Variants in WWC2 observed in about 807,000 individuals in gnomAD.
WWC2 encodes WW and C2 domain containing 2, also known as protein WWC2.
In WWC2, 101 loss-of-function variants were observed where a neutral mutation model predicts 138.5. The ratio of observed to expected loss-of-function variants is 0.73; its 90% CI spans 0.62 to 0.86. WWC2 has a LOEUF of 0.86. Among genes scored for constraint, WWC2 ranks in the 40% least tolerant of loss-of-function variants. The pLI is 0.00. For synonymous variants in WWC2, 558 were observed against 538.4 expected, an observed-to-expected ratio of 1.04 and a Z score of -0.50; for missense variants, 1,420 against 1,419.4, an observed-to-expected ratio of 1.00 and a Z score of -0.01.
chr4:183,121,528 C>T (rs1055538838), intron 1 of WWC2, among the ~76,000 whole-genome samples: 1 of 151,976 alleles, frequency 6.6e-6, no homozygotes, highest in Non-Finnish European at 1.5e-5. Flanking sequence ...GATACTCAAT[C>T]TAATAGAGGT....
At chr4:183,234,138 A>G (rs1339445423) in intron 4 of WWC2, among the ~76,000 whole-genome samples, 1 of 152,184 alleles carries the variant, frequency 6.6e-6, no homozygotes, top group African/African-American at 2.4e-5. Flanking sequence ...CTATGACACT[A>G]GGATTATAAG....
intron 1 of WWC2, among the ~76,000 whole-genome samples, chr4:183,181,687 G>A (rs1734637775): frequency 6.6e-6 from 1 of 152,120 alleles, no homozygotes; most frequent in Non-Finnish European, 1.5e-5. Context: ...TCAACAGTAG[G>A]CAGTTAGTAA....
At chr4:183,152,824 A>C (rs1230511349) in intron 1 of WWC2, among the ~76,000 whole-genome samples, 1 of 152,030 alleles carries the variant, frequency 6.6e-6, no homozygotes, top group Non-Finnish European at 1.5e-5. Context: ...CAGAGGTTGC[A>C]GTGAGCCAAA....
intron 1 of WWC2, among the ~76,000 whole-genome samples, chr4:183,106,101 AGCC>A (rs1393796018): frequency 6.6e-6 from 1 of 151,784 alleles, no homozygotes; most frequent in Non-Finnish European, 1.5e-5. Context: ...ATTCTGCCTC[AGCC>A]TCCCGAGTAG....
At position 183,312,449 on chromosome 4, in the gene WWC2, C is replaced by G. The variant is rs766916505; in HGVS notation, c.3493C>G (p.Arg1165Gly). Residue 1165 changes from arginine to glycine, a missense_variant, in exon 22 of 23, where the codon CGG (arginine) becomes GGG (glycine). Coordinates refer to ENST00000403733, the MANE Select transcript of WWC2 (RefSeq NM_024949.6). ...CCGGGAGCAGAGCCAGAAGGTGCCT[C>G]GGCAGGTGCAGTCCTTCAGGTGAAT... ...RLREQSQKVP[R>G]QVQSFREKIA... The G allele has an allele frequency of 1.2e-6, 2 of 1,613,766 alleles. No homozygotes were observed. Among genetic ancestry groups the G allele is most frequent in the African/African-American group, 1.3e-5 (1 of 75,052 alleles).
chr4:183,295,137 AAC>A (rs904368206), intron 21 of WWC2, among the ~76,000 whole-genome samples: 5 of 152,138 alleles, frequency 3.3e-5, no homozygotes, highest in African/African-American at 1.2e-4. Flanking sequence ...TTTCTGTAAA[AAC>A]ACACACACAC....
chr4:183,228,179 A>G (rs548821065), intron 4 of WWC2, among the ~76,000 whole-genome samples: 7 of 152,108 alleles, frequency 4.6e-5, no homozygotes, highest in African/African-American at 1.7e-4. Context: ...AAATAAGTAA[A>G]TAAAGCTTTG....
chr4:183,103,203 G>A (rs533913631), intron 1 of WWC2, among the ~76,000 whole-genome samples: 1 of 152,004 alleles, frequency 6.6e-6, no homozygotes, highest in Admixed American at 6.6e-5. Flanking sequence ...AAATAATCTT[G>A]GGGGGTGGGG....
intron 4 of WWC2, among the ~76,000 whole-genome samples, chr4:183,220,717 C>G (rs923608784): frequency 1.3e-5 from 2 of 151,792 alleles, no homozygotes; most frequent in African/African-American, 4.8e-5. Flanking sequence ...GCCTGTAGTC[C>G]CAGCTACTCG....
intron 21 of WWC2, among the ~76,000 whole-genome samples, chr4:183,295,252 C>G (rs13126047): frequency 0.68 from 102,941 of 151,672 alleles, 35,521 homozygotes; most frequent in Middle Eastern, 0.76. Context: ...TGGTATTCCA[C>G]TGCCTTAGAA....
intron 4 of WWC2, among the ~76,000 whole-genome samples, chr4:183,225,524 A>G (rs1560852684): frequency 6.6e-6 from 1 of 152,266 alleles, no homozygotes; most frequent in Non-Finnish European, 1.5e-5. Flanking sequence ...GAAAAGTCCA[A>G]TCATGAGCTC....
At chr4:183,178,386 A>G (rs1580015752) in intron 1 of WWC2, among the ~76,000 whole-genome samples, 1 of 143,818 alleles carries the variant, frequency 7.0e-6, no homozygotes, top group South Asian at 2.1e-4. Context: ...ACAAATAAAT[A>G]AATAAATAAA....
At chr4:183,245,018 G>A (rs1736727543) in intron 5 of WWC2, among the ~76,000 whole-genome samples, 6 of 152,060 alleles carry the variant, frequency 3.9e-5, no homozygotes, top group Admixed American at 3.9e-4. Context: ...CGGATCACGA[G>A]GTCAGGAGTT....
intron 14 of WWC2, among the ~76,000 whole-genome samples, chr4:183,268,585 C>T (rs1737584426): frequency 6.6e-6 from 1 of 152,188 alleles, no homozygotes; most frequent in South Asian, 2.1e-4. Flanking sequence ...GATAAAGTCA[C>T]CAGTATCTAC....
chr4:183,147,385 A>G (rs1733492208), intron 1 of WWC2, among the ~76,000 whole-genome samples: 1 of 152,194 alleles, frequency 6.6e-6, no homozygotes, highest in Non-Finnish European at 1.5e-5. Flanking sequence ...CCAAATCCTT[A>G]TTGTAACTCT....
At chr4:183,293,034 C>T (rs1738512331) in intron 21 of WWC2, among the ~76,000 whole-genome samples, 1 of 152,228 alleles carries the variant, frequency 6.6e-6, no homozygotes, top group South Asian at 2.1e-4. Context: ...CGGCTCACTG[C>T]AGCCTCTGCC....
At chr4:183,108,276 G>C (rs1015958148) in intron 1 of WWC2, among the ~76,000 whole-genome samples, 1 of 152,118 alleles carries the variant, frequency 6.6e-6, no homozygotes, top group African/African-American at 2.4e-5. Flanking sequence ...AGGGCACTAA[G>C]TCCTGCTGAT....
intron 17 of WWC2, 119 bp from the exon 18 acceptor site, chr4:183,282,589 A>G: frequency 9.9e-7 from 1 of 1,011,682 alleles, no homozygotes; most frequent in South Asian, 1.6e-5. Flanking sequence ...AGCCAAAGAA[A>G]TGGCTTGGCT....
chr4:183,227,420 A>G (rs1445927359), intron 4 of WWC2, among the ~76,000 whole-genome samples: 3 of 152,108 alleles, frequency 2.0e-5, no homozygotes, highest in African/African-American at 7.3e-5. Context: ...CAAATCACAG[A>G]TGTACAGAGA....
Sources: allele counts gnomAD v4.1 joint callset (sites outside exome capture counted in the v4.1 genomes callset), GRCh38; gene constraint gnomAD v4.1.1; transcripts MANE v1.5; gene names NCBI Gene and HGNC (gene_info 2026-07-23, HGNC 2026-07-21).